SNW1: variants seen among roughly 807,000 people sequenced by gnomAD.
The protein encoded by SNW1 is SNW domain containing 1.
In SNW1, 9 loss-of-function variants were observed where a neutral mutation model predicts 75.6. The observed-to-expected ratio is 0.12, with a 90% CI of 0.07 to 0.21. SNW1 has a LOEUF of 0.21. SNW1 is among the 10% of genes least tolerant of loss of function. The probability of loss-of-function intolerance (pLI) is 1.00; values close to 1 mark genes in which losing one functional copy is unlikely to be tolerated. For missense variants in SNW1, 409 were observed against 670.9 expected, an observed-to-expected ratio of 0.61 and a Z score of 4.31; for synonymous variants, 200 against 219.1, an observed-to-expected ratio of 0.91 and a Z score of 0.77.
At chr14:77,746,921 G>A (rs1191063026) in intron 3 of SNW1, among the ~76,000 whole-genome samples, 3 of 144,034 alleles carry the variant, frequency 2.1e-5, no homozygotes, top group East Asian at 2.0e-4. Flanking sequence ...TTCTGTGCAC[G>A]GTCTCCCTCT....
chr14:77,750,730 A>G (rs150760810), intron 3 of SNW1, among the ~76,000 whole-genome samples: 15 of 152,036 alleles, frequency 9.9e-5, no homozygotes, highest in African/African-American at 3.1e-4. Context: ...CTGTTCTGTG[A>G]TGAGATTATT....
rs150322532 is a variant in SNW1, at chr14:77,733,607, T to C, written c.775-1006A>G. 9.3e-3 allele frequency among the ~76,000 whole-genome samples: 1,415 copies of C among 151,838 alleles called. 18 individuals are homozygous for C. The highest frequency in any genetic ancestry group is 0.03 in the South Asian group (142 of 4,802). ...AAAAATACAAAAAAGTAGCCAGGCA[T>C]GGTGGGGCACACTTGTGGTCCCAAC... is the stretch of plus-strand genomic sequence containing the variant. On this transcript the variant is annotated intron_variant, in intron 8 of 13. Coordinates refer to ENST00000261531, the MANE Select transcript of SNW1 (RefSeq NM_012245.3).
At chr14:77,725,809 G>A (rs2080580362) in intron 10 of SNW1, among the ~76,000 whole-genome samples, 1 of 152,146 alleles carries the variant, frequency 6.6e-6, no homozygotes, top group Non-Finnish European at 1.5e-5. Flanking sequence ...CCAGTTACTT[G>A]GGAGGCCAAG....
intron 3 of SNW1, among the ~76,000 whole-genome samples, chr14:77,746,673 C>A (rs2139923131): frequency 6.6e-6 from 1 of 151,826 alleles, no homozygotes; most frequent in Middle Eastern, 3.4e-3. Context: ...GATAACCATG[C>A]CACGGAATCC....
chr14:77,758,814 G>T (rs1456437325), intron 1 of SNW1, among the ~76,000 whole-genome samples: 1 of 152,180 alleles, frequency 6.6e-6, no homozygotes, highest in Non-Finnish European at 1.5e-5. Flanking sequence ...GATGTGTGAT[G>T]GTTTTTCCCC....
chr14:77,727,789 T>G (rs1050376617), intron 10 of SNW1, among the ~76,000 whole-genome samples: 4 of 152,204 alleles, frequency 2.6e-5, no homozygotes, highest in Non-Finnish European at 5.9e-5. Context: ...GAAATCTGTT[T>G]GTTAGAATTT....
At chr14:77,723,445 AT>A (rs1165072820) in intron 10 of SNW1, among the ~76,000 whole-genome samples, 168 bp from the exon 11 acceptor site, 3 of 152,108 alleles carry the variant, frequency 2.0e-5, no homozygotes, top group African/African-American at 4.8e-5. Context: ...TACCTCCTGG[AT>A]TCAAGTGATC....
At chr14:77,747,411 C>A (rs545304439) in intron 3 of SNW1, among the ~76,000 whole-genome samples, 1 of 151,384 alleles carries the variant, frequency 6.6e-6, no homozygotes, top group East Asian at 2.0e-4. Context: ...CTCTGCCCGG[C>A]CGCCCAGTCT....
chr14:77,736,891 T>C, intron 6 of SNW1, 80 bp downstream of exon 6: 1 of 1,056,814 alleles, frequency 9.5e-7, no homozygotes, highest in Non-Finnish European at 1.5e-6. Flanking sequence ...TGTTTTTGCC[T>C]GGCTTCTTTC....
At chr14:77,720,689 T>C (rs45611739) in intron 12 of SNW1, 22 bp downstream of exon 12, 137,022 of 1,440,768 alleles carry the variant, frequency 0.095, 7,726 homozygotes, top group African/African-American at 0.22. Context: ...ACACACACAA[T>C]ATGCTGTTCC....
At chr14:77,737,397 G>A (rs2080681784) in intron 5 of SNW1, among the ~76,000 whole-genome samples, 1 of 152,080 alleles carries the variant, frequency 6.6e-6, no homozygotes, top group South Asian at 2.1e-4. Flanking sequence ...GCCTGCATCT[G>A]AGGAAAAAAC....
intron 2 of SNW1, among the ~76,000 whole-genome samples, chr14:77,751,828 ACACACACACACACACAC>A (rs1228938892): frequency 1.1e-4 from 13 of 123,778 alleles, no homozygotes; most frequent in African/African-American, 3.3e-4. Flanking sequence ...ACACACACAC[ACACACACACACACACAC>A]CACACACACA....
At position 77,739,048 on chromosome 14, in the gene SNW1, T is replaced by C. The variant is rs1414970840; in HGVS notation, c.344A>G (p.Lys115Arg). 1 of 1,612,972 alleles carries C rather than the reference T, an allele frequency of 6.2e-7. No homozygotes were observed. Among genetic ancestry groups the C allele is most frequent in the East Asian group, 2.2e-5 (1 of 44,870 alleles). Residue 115 changes from lysine (K) to arginine (R), a missense_variant, in exon 4 of 14, where the codon AAA (lysine) becomes AGA (arginine). Physicochemically the swap from Lys to Arg is conservative, Grantham distance 26. Transcript: ENST00000261531. ...CTCCTTTGGAACCAGGTCAGTGTAT[T>C]TGCTATAAATGACCTAAAATGTTCA... is the stretch of plus-strand genomic sequence containing the variant. ...GQSKDKVIYS[K>R]YTDLVPKEVM... is the part of the protein sequence containing the mutation.
rs565843249 is a variant in SNW1, at chr14:77,732,420, C to T, written c.891+65G>A. 700 of 896,888 alleles carry T rather than the reference C, an allele frequency of 7.8e-4. 1 individual carries two copies. Among genetic ancestry groups the T allele is most frequent in the Middle Eastern group, 5.0e-3 (23 of 4,586 alleles). The allele number at this position is 896,888 out of a possible 1,614,324, so 55.6% of individuals were successfully genotyped here. On this transcript the variant is annotated intron_variant, in intron 9 of 13. Coordinates refer to ENST00000261531, the MANE Select transcript of SNW1 (RefSeq NM_012245.3). ...CGGTACTATAGTTAAATTATCAGTA[C>T]CTTAGGTAACCAAGAATGGATTTTA...
intron 1 of SNW1, among the ~76,000 whole-genome samples, chr14:77,756,900 A>C (rs960691293): frequency 6.6e-6 from 1 of 152,156 alleles, no homozygotes; most frequent in Non-Finnish European, 1.5e-5. Context: ...ACAACAACAA[A>C]AAAACCCTTA....
chr14:77,728,226 G>C (rs2080601212), intron 10 of SNW1, among the ~76,000 whole-genome samples: 1 of 152,028 alleles, frequency 6.6e-6, no homozygotes, highest in Admixed American at 6.6e-5. Context: ...GAGGCAGGTG[G>C]ATCACCTGAG....
chr14:77,758,496 T>G (rs1039067806), intron 1 of SNW1, among the ~76,000 whole-genome samples: 1 of 152,176 alleles, frequency 6.6e-6, no homozygotes, highest in African/African-American at 2.4e-5. Context: ...TTGTCTCTGC[T>G]CAGTTACCTC....
rs1382434981 is a variant in SNW1, at chr14:77,737,142, T to C, written c.534-67A>G. ...GCTTTCAGTAGGTATTTTCCTTCTA[T>C]TACAATCTTAAGCTAGACTACATTT... On this transcript the variant is annotated intron_variant, in intron 5 of 13. Transcript: ENST00000261531. 1.1e-5 allele frequency: 12 copies of C among 1,130,906 alleles called. No homozygotes were observed. In the East Asian group the frequency reaches 2.1e-4, roughly 20 times the overall value. The allele number at this position is 1,130,906 out of a possible 1,614,324, so 70.1% of individuals were successfully genotyped here.
chr14:77,720,474 C>T, intron 12 of SNW1: 3 of 702,642 alleles, frequency 4.3e-6, no homozygotes, highest in Non-Finnish European at 7.8e-6. Context: ...TGACATACCA[C>T]AACACCAAGT....
Sources: gnomAD v4.1 joint callset for allele counts (sites outside exome capture counted in the v4.1 genomes callset) on GRCh38, gnomAD v4.1.1 for gene constraint, MANE v1.5 for transcripts, NCBI Gene and HGNC (gene_info 2026-07-23, HGNC 2026-07-21) for gene names.